Variants in TRAPPC11 observed in about 807,000 individuals in gnomAD.
The protein encoded by TRAPPC11 is trafficking protein particle complex subunit 11.
A neutral mutation model predicts 151.2 loss-of-function variants in TRAPPC11; 104 were observed. The observed-to-expected ratio is 0.69, with a 90% CI of 0.59 to 0.81. The LOEUF (loss-of-function observed/expected upper bound fraction) is 0.81, where lower values mean the gene tolerates loss of function less well. Ranked by LOEUF, TRAPPC11 falls within the 30% of genes least tolerant of loss-of-function variation. The pLI is 0.00. For missense variants in TRAPPC11, 1,230 were observed against 1,349.6 expected (o/e 0.91, Z 1.39); for synonymous variants, 456 against 472.3 (o/e 0.97, Z 0.45).
chr4:183,710,294 T>G (rs1208285486), intron 29 of TRAPPC11, among the ~76,000 whole-genome samples: 2 of 151,866 alleles, frequency 1.3e-5, no homozygotes, highest in South Asian at 4.2e-4. Context: ...AATAAACTTT[T>G]TTTTTTTTTT....
intron 10 of TRAPPC11, among the ~76,000 whole-genome samples, chr4:183,682,074 A>G (rs1350155014): frequency 6.6e-6 from 1 of 152,238 alleles, no homozygotes; most frequent in Non-Finnish European, 1.5e-5. Context: ...GAATATATTT[A>G]AATGAAAGAA....
Position 183,697,817 on chromosome 4 carries a change from G to A in TRAPPC11, c.2833G>A (p.Glu945Lys), listed in dbSNP as rs200260429. The A allele has an allele frequency of 7.4e-6, 12 of 1,613,572 alleles. No homozygotes were observed. The Admixed American group carries it at 8.3e-5, about 11-fold the overall frequency. ...APSMTTVDQL[E>K]SQVDNVILQT... Reference sequence around the variant, plus strand: ...ATCCATGACCACAGTGGACCAGCTCGAGTCTCAAGTGGACAATGGTGAGTC... The same window carrying A: ...ATCCATGACCACAGTGGACCAGCTCAAGTCTCAAGTGGACAATGGTGAGTC... Residue 945 changes from glutamate to lysine, a missense_variant, in exon 25 of 30, where the codon GAG (glutamate) becomes AAG (lysine). Physicochemically the swap from Glu to Lys is moderately conservative, Grantham distance 56. Coordinates refer to ENST00000334690, the MANE Select transcript of TRAPPC11 (RefSeq NM_021942.6).
intron 18 of TRAPPC11, among the ~76,000 whole-genome samples, chr4:183,690,443 G>C (rs1466906659): frequency 6.6e-6 from 1 of 152,206 alleles, no homozygotes. Context: ...CATCTATGAG[G>C]ATTGTTCTCT....
At chr4:183,697,433 T>A in intron 23 of TRAPPC11, 70 bp from the exon 24 acceptor site, 2 of 1,395,322 alleles carry the variant, frequency 1.4e-6, no homozygotes, top group Non-Finnish European at 2.0e-6. Context: ...AGTGATAGGT[T>A]GTGTTTTTTA....
At chr4:183,686,251 C>T (rs1204570031) in intron 17 of TRAPPC11, among the ~76,000 whole-genome samples, 1 of 152,136 alleles carries the variant, frequency 6.6e-6, no homozygotes, top group Non-Finnish European at 1.5e-5. Context: ...ATTCTTGTGC[C>T]TCAGCCTCCC....
rs112531881 is a variant in TRAPPC11, at chr4:183,711,985, C to T, written c.3358-615C>T. 4.6e-5 allele frequency among the ~76,000 whole-genome samples: 7 copies of T among 152,258 alleles called. No individual in the cohort carries two copies. In the South Asian group the frequency reaches 1.0e-3, roughly 23 times the overall value. ...TCATTCTTAGTCTTGACTTTTCTGA[C>T]GTGATGTTTTAAATTCTTTCAATCA... On this transcript the variant is annotated intron_variant, in intron 29 of 29. Coordinates refer to ENST00000334690, the MANE Select transcript of TRAPPC11 (RefSeq NM_021942.6).
chr4:183,708,231 A>G (rs372128051), intron 28 of TRAPPC11, among the ~76,000 whole-genome samples, 176 bp from the exon 29 acceptor site: 2 of 152,164 alleles, frequency 1.3e-5, no homozygotes, highest in Non-Finnish European at 2.9e-5. Context: ...TCCTAAACTC[A>G]TACTAATTCA....
rs1458463963 is a variant in TRAPPC11 at position 183,668,134 on chromosome 4, TA to T, written c.560+20del. On this transcript the variant is annotated intron_variant, in intron 5 of 29. Coordinates refer to ENST00000334690, the MANE Select transcript of TRAPPC11 (RefSeq NM_021942.6). The stretch of plus-strand genomic sequence containing the variant: ...TATTATAAGGTAAGTAGAGGTCTTT[TA>T]AAGTTTTGTTTTTTTAGATTATTAA... The T allele has an allele frequency of 3.4e-6, 5 of 1,460,414 alleles. No homozygotes were observed. The African/African-American group carries it at 7.1e-5, about 21-fold the overall frequency. The allele number at this position is 1,460,414 out of a possible 1,614,324, so 90.5% of individuals were successfully genotyped here.
At chr4:183,709,837 G>A (rs1026648886) in intron 29 of TRAPPC11, among the ~76,000 whole-genome samples, 2 of 151,998 alleles carry the variant, frequency 1.3e-5, no homozygotes, top group East Asian at 3.9e-4. Flanking sequence ...GTGTTTAAAC[G>A]CTTTTTAAAT....
At position 183,712,763 on chromosome 4, in the gene TRAPPC11, G is replaced by C; in HGVS notation, c.*119G>C. The C allele has an allele frequency of 8.5e-6, 8 of 945,302 alleles. No homozygotes were observed. Among genetic ancestry groups the C allele is most frequent in the Non-Finnish European group, 1.3e-5 (8 of 601,056 alleles). The allele number at this position is 945,302 out of a possible 1,614,324, so 58.6% of individuals were successfully genotyped here. On this transcript the variant is annotated 3_prime_UTR_variant, in exon 30 of 30. Coordinates refer to ENST00000334690, the MANE Select transcript of TRAPPC11 (RefSeq NM_021942.6). Reference sequence around the variant, plus strand: ...AGTTAACCTTTTCTATTTTTTAATGGATGTTATACCAACTATTCAGAGGAA... The same window carrying C: ...AGTTAACCTTTTCTATTTTTTAATGCATGTTATACCAACTATTCAGAGGAA...
rs1159296311 is a variant in TRAPPC11 at position 183,690,721 on chromosome 4, C to T, written c.1894-595C>T. Among the ~76,000 whole-genome samples, 7 of 152,290 alleles carry T rather than the reference C, an allele frequency of 4.6e-5. 1 individual carries two copies. Among genetic ancestry groups the T allele is most frequent in the African/African-American group, 1.7e-4 (7 of 41,558 alleles). On this transcript the variant is annotated intron_variant, in intron 18 of 29. Transcript: ENST00000334690. ...GTGGCTCACACCTGTAATCCCAACA[C>T]TTTTGAAGGCTGAGGCAGGAGGATC...
Position 183,701,703 on chromosome 4 carries a change from T to G in TRAPPC11, c.2858T>G (p.Leu953Ter). 6.2e-7 allele frequency: 1 copy of G among 1,611,916 alleles called. No homozygotes were observed. Among genetic ancestry groups the G allele is most frequent in the Non-Finnish European group, 8.5e-7 (1 of 1,177,998 alleles). The change falls in exon 26 of 30, where the codon TTA becomes TGA. Residue 953 changes from leucine to a stop codon, truncating the protein, a stop_gained. Transcript: ENST00000334690. LOFTEE classifies it high-confidence loss of function. ...TAAAGACTTTTCCCTGTAGTTATCT[T>G]ACAGACTGGAGAGAGTGCTAGTGAA... The part of the protein sequence containing the change: ...QLESQVDNVI[L>*]QTGESASECF...
At chr4:183,698,772 C>T (rs771974299) in intron 25 of TRAPPC11, among the ~76,000 whole-genome samples, 1 of 152,268 alleles carries the variant, frequency 6.6e-6, no homozygotes, top group East Asian at 1.9e-4. Flanking sequence ...AGCTGCCACA[C>T]GACCTTAGGC....
At chr4:183,707,384 G>A (rs1737128345) in intron 28 of TRAPPC11, among the ~76,000 whole-genome samples, 1 of 151,974 alleles carries the variant, frequency 6.6e-6, no homozygotes, top group East Asian at 1.9e-4. Flanking sequence ...AACCTTTCGT[G>A]TGTTTAGATA....
rs184322111 is a variant in TRAPPC11 at position 183,667,477 on chromosome 4, C to T, written c.445+347C>T. Among the ~76,000 whole-genome samples the T allele has an allele frequency of 3.9e-4, 60 of 152,100 alleles. 1 individual carries two copies. The South Asian group carries it at 4.1e-3, about 11-fold the overall frequency. On this transcript the variant is annotated intron_variant, in intron 4 of 29. Coordinates refer to ENST00000334690, the MANE Select transcript of TRAPPC11 (RefSeq NM_021942.6). ...GCTTTCCAAAAAAGAATATAATTTACTTATCTAAGATCTATTTGAAGCTGT... is the reference window on the plus strand; with the variant it reads ...GCTTTCCAAAAAAGAATATAATTTATTTATCTAAGATCTATTTGAAGCTGT...
intron 8 of TRAPPC11, among the ~76,000 whole-genome samples, chr4:183,679,110 C>T (rs999451066): frequency 4.6e-5 from 7 of 152,048 alleles, no homozygotes; most frequent in Non-Finnish European, 8.8e-5. Context: ...AAAAGCTTTT[C>T]TAAAGTGTAG....
At chr4:183,711,819 CA>C (rs1209201382) in intron 29 of TRAPPC11, among the ~76,000 whole-genome samples, 1 of 152,182 alleles carries the variant, frequency 6.6e-6, no homozygotes. Context: ...GCTTTCCCCA[CA>C]AAGGTCTGCT....
At chr4:183,666,866 T>G in intron 3 of TRAPPC11, 194 bp from the exon 4 acceptor site, 5 of 500,108 alleles carry the variant, frequency 1.0e-5, no homozygotes, top group African/African-American at 1.9e-5. Context: ...TTAGAAGATG[T>G]GAGATCATAC....
At chr4:183,671,350 G>T (rs545899279) in intron 5 of TRAPPC11, among the ~76,000 whole-genome samples, 1 of 152,184 alleles carries the variant, frequency 6.6e-6, no homozygotes, top group Admixed American at 6.5e-5. Flanking sequence ...ATTTGGCTGG[G>T]CGGGACAGTA....
Sources: allele counts gnomAD v4.1 joint callset (sites outside exome capture counted in the v4.1 genomes callset), GRCh38; gene constraint gnomAD v4.1.1; transcripts MANE v1.5; gene names NCBI Gene and HGNC (gene_info 2026-07-23, HGNC 2026-07-21).